GLDC: variants seen among roughly 807,000 people sequenced by gnomAD.
GLDC encodes glycine dehydrogenase (decarboxylating), mitochondrial.
A neutral mutation model predicts 121.3 loss-of-function variants in GLDC; 104 were observed. That is an observed-to-expected ratio of 0.86 (90% CI 0.73 to 1.01). The LOEUF (loss-of-function observed/expected upper bound fraction) is 1.01, where lower values mean the gene tolerates loss of function less well. GLDC is among the 50% of genes least tolerant of loss of function. GLDC has a pLI of 0.00. For synonymous variants in GLDC, 546 were observed against 480.6 expected, an observed-to-expected ratio of 1.14 and a Z score of -1.78; for missense variants, 1,429 against 1,306.6, an observed-to-expected ratio of 1.09 and a Z score of -1.44.
At chr9:6,586,858 T>C (rs1266846971) in intron 15 of GLDC, among the ~76,000 whole-genome samples, 3 of 152,166 alleles carry the variant, frequency 2.0e-5, no homozygotes, top group African/African-American at 7.2e-5. Context: ...GACATTGTGC[T>C]GTAAGGAACA....
chr9:6,624,063 A>G (rs1273944086), intron 2 of GLDC, among the ~76,000 whole-genome samples: 1 of 152,214 alleles, frequency 6.6e-6, no homozygotes, highest in Non-Finnish European at 1.5e-5. Context: ...GCTGGATAGT[A>G]TGATTCTTTT....
chr9:6,628,550 G>C (rs1484087375), intron 2 of GLDC, among the ~76,000 whole-genome samples: 2 of 152,238 alleles, frequency 1.3e-5, no homozygotes, highest in African/African-American at 2.4e-5. Flanking sequence ...CAGCACTTTG[G>C]GAGGCCGAGG....
intron 2 of GLDC, among the ~76,000 whole-genome samples, chr9:6,626,679 C>T (rs1469597456): frequency 2.6e-5 from 4 of 152,248 alleles, no homozygotes; most frequent in African/African-American, 9.6e-5. Context: ...TTTGAATTTT[C>T]CTTTCACAAG....
rs1011514999 is a variant in GLDC, at chr9:6,639,372, C to T, written c.334+5242G>A. ...ACAAGCTTGACCACTATGCTATCAT[C>T]AAGTTTACGCTGACCACTGAGTCGC... On this transcript the variant is annotated intron_variant, in intron 2 of 24. Coordinates refer to ENST00000321612, the MANE Select transcript of GLDC (RefSeq NM_000170.3). 7.8e-5 allele frequency: 71 copies of T among 913,684 alleles called. No homozygotes were observed. In the East Asian group the frequency reaches 1.7e-3, roughly 22 times the overall value. 56.6% of individuals were successfully genotyped at this position (913,684 alleles called of 1,614,324 possible).
At chr9:6,575,229 C>A (rs531361051) in intron 15 of GLDC, among the ~76,000 whole-genome samples, 26,901 of 146,620 alleles carry the variant, frequency 0.18, 3,181 homozygotes, top group Non-Finnish European at 0.26. Context: ...AAAAAAAAAA[C>A]AAACCCCAAA....
chr9:6,608,116 C>A (rs937793001), intron 4 of GLDC, among the ~76,000 whole-genome samples: 3 of 150,996 alleles, frequency 2.0e-5, no homozygotes, highest in Non-Finnish European at 4.4e-5. Context: ...AACCCTGCCT[C>A]AAAAAAACAA....
chr9:6,620,465 G>T, intron 2 of GLDC, 146 bp from the exon 3 acceptor site: 1 of 700,188 alleles, frequency 1.4e-6, no homozygotes, highest in Non-Finnish European at 2.5e-6. Context: ...CCAACACTAA[G>T]TACTGTATGC....
intron 2 of GLDC, among the ~76,000 whole-genome samples, chr9:6,630,466 C>T (rs562466135): frequency 4.2e-4 from 64 of 152,182 alleles, no homozygotes; most frequent in African/African-American, 1.4e-3. Flanking sequence ...CCTCACTCTT[C>T]GCCCTCCATG....
intron 19 of GLDC, 45 bp from the exon 20 acceptor site, chr9:6,553,554 G>A: frequency 1.3e-6 from 2 of 1,596,768 alleles, no homozygotes; most frequent in Non-Finnish European, 1.7e-6. Context: ...AAACGATTCA[G>A]TTTAATCTAA....
At chr9:6,629,969 T>TTTTTTTTTG (rs1429372179) in intron 2 of GLDC, among the ~76,000 whole-genome samples, 1 of 57,722 alleles carries the variant, frequency 1.7e-5, no homozygotes, top group Non-Finnish European at 3.1e-5. Flanking sequence ...TTTTTTTTTT[T>TTTTTTTTTG]AAGAGAGACA....
intron 21 of GLDC, among the ~76,000 whole-genome samples, chr9:6,545,107 AG>A (rs1399618637): frequency 8.8e-5 from 7 of 79,876 alleles, no homozygotes; most frequent in African/African-American, 5.5e-4. Flanking sequence ...CTCAAAAAAA[AG>A]AAAAAAAAAA....
Position 6,568,109 on chromosome 9 carries a change from AGGAAGAAGCAGATTACT to A in GLDC, c.1851-2697_1851-2681del. ...CAATCAAGGTGTAGACTAGGAATGA[AGGAAGAAGCAGATTACT>A]GGCTATGAGCCAGTAGTGTAGGAGA... On this transcript the variant is annotated intron_variant, in intron 15 of 24. Transcript: ENST00000321612. Among the ~76,000 whole-genome samples the A allele has an allele frequency of 1.3e-5, 2 of 152,254 alleles. 1 individual carries two copies. Among genetic ancestry groups the A allele is most frequent in the Middle Eastern group, 6.8e-3 (2 of 294 alleles).
Position 6,610,334 on chromosome 9 carries a change from G to C in GLDC, c.493C>G (p.Gln165Glu), listed in dbSNP as rs2129916804. The C allele has an allele frequency of 6.2e-7, 1 of 1,613,806 alleles. No homozygotes were observed. The highest frequency in any genetic ancestry group is 8.5e-7 in the Non-Finnish European group (1 of 1,179,700). The change falls in exon 4 of 25, where the codon CAG becomes GAG. Residue 165 changes from glutamine to glutamate, a missense_variant. Physicochemically the swap from Gln to Glu is conservative, Grantham distance 29. Coordinates refer to ENST00000321612, the MANE Select transcript of GLDC (RefSeq NM_000170.3). ...SGWITQYTPY[Q>E]PEVSQGRLES... ...AGCCTCCCCTGAGACACCTCAGGCT[G>C]GTATGGAGTATACTGGGTGATCCTG...
In GLDC at chr9:6,532,861, C is replaced by G. The variant is rs935574554; in HGVS notation, c.*156G>C. Reference sequence around the variant, plus strand: ...AACCATCAGCTTCGACTCCCTCCAGCTACTGTATTTACATTTACCTTGACA... The same window carrying G: ...AACCATCAGCTTCGACTCCCTCCAGGTACTGTATTTACATTTACCTTGACA... On this transcript the variant is annotated 3_prime_UTR_variant, in exon 25 of 25. Coordinates refer to ENST00000321612, the MANE Select transcript of GLDC (RefSeq NM_000170.3). 2.8e-6 allele frequency: 2 copies of G among 713,742 alleles called. No homozygotes were observed. Among genetic ancestry groups the G allele is most frequent in the East Asian group, 2.5e-5 (1 of 39,986 alleles). 44.2% of individuals were successfully genotyped at this position (713,742 alleles called of 1,614,324 possible).
At chr9:6,573,860 A>T (rs1032873306) in intron 15 of GLDC, among the ~76,000 whole-genome samples, 1 of 152,204 alleles carries the variant, frequency 6.6e-6, no homozygotes, top group African/African-American at 2.4e-5. Flanking sequence ...ATTCCTATCT[A>T]CCAGGTGGAA....
intron 21 of GLDC, among the ~76,000 whole-genome samples, chr9:6,542,763 G>A (rs1282881110): frequency 1.3e-5 from 2 of 151,478 alleles, no homozygotes. Context: ...GTGCCTGCCT[G>A]TAGTACCAGC....
chr9:6,578,875 A>G (rs1056371441), intron 15 of GLDC, among the ~76,000 whole-genome samples: 2 of 152,014 alleles, frequency 1.3e-5, no homozygotes, highest in Non-Finnish European at 2.9e-5. Flanking sequence ...TCTTTGTTCC[A>G]CTGGTTATTT....
At chr9:6,608,338 C>T (rs532654616) in intron 4 of GLDC, among the ~76,000 whole-genome samples, 31 of 149,748 alleles carry the variant, frequency 2.1e-4, no homozygotes, top group South Asian at 1.7e-3. Context: ...AGGAGAATGA[C>T]GTGAACCCAG....
At chr9:6,610,448 A>C (rs1818828902) in intron 3 of GLDC, 92 bp from the exon 4 acceptor site, 2 of 1,293,322 alleles carry the variant, frequency 1.5e-6, no homozygotes, top group African/African-American at 2.9e-5. Context: ...ACCTGAAAAT[A>C]ATTTGCCTAT....
Sources: gnomAD v4.1 joint callset for allele counts (sites outside exome capture counted in the v4.1 genomes callset) on GRCh38, gnomAD v4.1.1 for gene constraint, MANE v1.5 for transcripts, NCBI Gene and HGNC (gene_info 2026-07-23, HGNC 2026-07-21) for gene names.